PLPP7: variants seen among roughly 807,000 people sequenced by gnomAD.
The protein encoded by PLPP7 is inactive phospholipid phosphatase 7.
A neutral mutation model predicts 16.9 loss-of-function variants in PLPP7; 11 were observed. The observed-to-expected ratio is 0.65, with a 90% CI of 0.41 to 1.08. PLPP7 has a LOEUF of 1.08. PLPP7 is among the 50% of genes least tolerant of loss of function. The pLI, the probability that PLPP7 is intolerant of heterozygous loss-of-function variation, is 0.00. For synonymous variants in PLPP7, 174 were observed against 175.1 expected, an observed-to-expected ratio of 0.99 and a Z score of 0.05; for missense variants, 358 against 397.1, an observed-to-expected ratio of 0.90 and a Z score of 0.84.
Position 131,308,044 on chromosome 9 carries a change from C to T in PLPP7, c.573C>T (p.Ala191=), listed in dbSNP as rs371238589. 51 of 1,601,086 alleles carry T rather than the reference C, an allele frequency of 3.2e-5. No individual in the cohort carries two copies. In the African/African-American group the frequency reaches 3.7e-4, roughly 12 times the overall value. ...CCATGGACATCTACGCCTTCCCGGC[C>T]GGGCACGCCAGCCGCGCCGCCATGG... The part of the protein sequence containing the change: ...YLTMDIYAFP[A]GHASRAAMVS... Residue 191 remains alanine (A), a synonymous_variant, in exon 2 of 2, where the codon GCC becomes GCT. Coordinates refer to ENST00000372264, the MANE Select transcript of PLPP7 (RefSeq NM_032728.4).
chr9:131,306,907 T>C (rs924742017), intron 1 of PLPP7, among the ~76,000 whole-genome samples: 83 of 152,334 alleles, frequency 5.4e-4, no homozygotes, highest in African/African-American at 1.9e-3. Flanking sequence ...CACTCTAAAA[T>C]GGTTCACTGT....
At position 131,298,260 on chromosome 9, in the gene PLPP7, G is replaced by A. The variant is rs546069615; in HGVS notation, c.451+7812G>A. ...AAATGCCCTTCGGGAAGTTCAGACC[G>A]ATTTACACACTCCCTGGGCAGTATA... On this transcript the variant is annotated intron_variant, in intron 1 of 1. Coordinates refer to ENST00000372264, the MANE Select transcript of PLPP7 (RefSeq NM_032728.4). 3.3e-5 allele frequency among the ~76,000 whole-genome samples: 5 copies of A among 152,204 alleles called. No homozygotes were observed. In the East Asian group the frequency reaches 7.7e-4, roughly 23 times the overall value.
intron 1 of PLPP7, among the ~76,000 whole-genome samples, chr9:131,301,701 C>T (rs1193433212): frequency 6.6e-6 from 1 of 152,164 alleles, no homozygotes; most frequent in East Asian, 1.9e-4. Flanking sequence ...GTAATGGCAG[C>T]AGTATGCTGT....
intron 1 of PLPP7, among the ~76,000 whole-genome samples, chr9:131,302,327 G>C (rs747053984): frequency 1.1e-4 from 16 of 152,204 alleles, no homozygotes; most frequent in East Asian, 1.9e-4. Flanking sequence ...GCAGATGAGA[G>C]GGCTCCCTGG....
chr9:131,300,238 C>A (rs1049184594), intron 1 of PLPP7, among the ~76,000 whole-genome samples: 1 of 152,210 alleles, frequency 6.6e-6, no homozygotes, highest in Non-Finnish European at 1.5e-5. Context: ...TCGTCAGGAA[C>A]CACCCCTGGT....
At chr9:131,298,814 C>A (rs891139439) in intron 1 of PLPP7, among the ~76,000 whole-genome samples, 9 of 152,188 alleles carry the variant, frequency 5.9e-5, no homozygotes, top group African/African-American at 2.2e-4. Context: ...GGGACCTGGG[C>A]TAGGGGAGAA....
intron 1 of PLPP7, among the ~76,000 whole-genome samples, chr9:131,302,722 CA>C (rs1304123863): frequency 6.6e-6 from 1 of 152,230 alleles, no homozygotes; most frequent in Non-Finnish European, 1.5e-5. Context: ...CAGGCACTTC[CA>C]GGGTGCAAGG....
chr9:131,292,918 A>G, intron 1 of PLPP7: 1 of 985,436 alleles, frequency 1.0e-6, no homozygotes, highest in Non-Finnish European at 1.2e-6. Flanking sequence ...GCCCCACAGG[A>G]TAAAGATGAA....
chr9:131,299,616 C>T (rs954337760), intron 1 of PLPP7, among the ~76,000 whole-genome samples: 3 of 152,172 alleles, frequency 2.0e-5, no homozygotes. Context: ...AGGCGGGCCA[C>T]TGCCTCTTCC....
At chr9:131,307,488 G>T (rs1010408590) in intron 1 of PLPP7, among the ~76,000 whole-genome samples, 6 of 145,840 alleles carry the variant, frequency 4.1e-5, no homozygotes, top group Non-Finnish European at 7.4e-5. Flanking sequence ...GGAGGCGGAG[G>T]TTCCAGTGAG....
At chr9:131,294,258 C>G (rs967248196) in intron 1 of PLPP7, among the ~76,000 whole-genome samples, 10 of 151,740 alleles carry the variant, frequency 6.6e-5, no homozygotes, top group African/African-American at 2.4e-4. Flanking sequence ...AGTGACTTTG[C>G]CTCTCTGAGC....
chr9:131,290,730 G>A lies in PLPP7; in HGVS notation c.451+282G>A, dbSNP rs992096898. Among the ~76,000 whole-genome samples the A allele has an allele frequency of 3.3e-5, 5 of 152,232 alleles. No homozygotes were observed. In the South Asian group the frequency reaches 1.0e-3, roughly 31 times the overall value. On this transcript the variant is annotated intron_variant, in intron 1 of 1. Coordinates refer to ENST00000372264, the MANE Select transcript of PLPP7 (RefSeq NM_032728.4). The surrounding 1 kb of genome is among the most constrained non-coding windows in gnomAD (Gnocchi z 4.2). ...GCTCAGCAAAAGGCACCGCTGCCCAGAGGCAGCTTGAAGGGAGGCTGGGCC... is the reference window on the plus strand; with the variant it reads ...GCTCAGCAAAAGGCACCGCTGCCCAAAGGCAGCTTGAAGGGAGGCTGGGCC...
Position 131,290,403 on chromosome 9 carries a change from A to T in PLPP7, c.406A>T (p.Ser136Cys), listed in dbSNP as rs1426288957. ...AGGCACCATCCTCTGCCTGGTGAAG[A>T]GCAGCACACTGGCCGGCCAGGAGGT... ...IGGTILCLVK[S>C]STLAGQEVLM... Residue 136 changes from serine to cysteine, a missense_variant, in exon 1 of 2, where the codon AGC (serine) becomes TGC (cysteine). Physicochemically the swap from Ser to Cys is moderately radical, Grantham distance 112. Coordinates refer to ENST00000372264, the MANE Select transcript of PLPP7 (RefSeq NM_032728.4). This position sits in a 1 kb window ranked among gnomAD's most constrained non-coding sequence, Gnocchi z 4.2. 3.2e-6 allele frequency: 5 copies of T among 1,582,034 alleles called. No individual in the cohort carries two copies. In the Admixed American group the frequency reaches 8.6e-5, roughly 27 times the overall value.
chr9:131,301,903 G>C (rs1352425881), intron 1 of PLPP7, among the ~76,000 whole-genome samples: 1 of 145,430 alleles, frequency 6.9e-6, no homozygotes, highest in Admixed American at 7.2e-5. Context: ...TGCAACCTCC[G>C]CCTCCCGGGT....
chr9:131,293,623 C>T (rs988633495), intron 1 of PLPP7, among the ~76,000 whole-genome samples: 1 of 152,214 alleles, frequency 6.6e-6, no homozygotes, highest in African/African-American at 2.4e-5. Flanking sequence ...CTTTGGAGGG[C>T]ACCCTTCAAC....
In PLPP7 at chr9:131,300,954, A is replaced by C. The variant is rs534066022; in HGVS notation, c.452-6969A>C. On this transcript the variant is annotated intron_variant, in intron 1 of 1. Coordinates refer to ENST00000372264, the MANE Select transcript of PLPP7 (RefSeq NM_032728.4). Reference sequence around the variant, plus strand: ...GCCCTGTGCTGGAAAGGCAGATTTTATTTATTTATGTATTTATTTATTTAT... The same window carrying C: ...GCCCTGTGCTGGAAAGGCAGATTTTCTTTATTTATGTATTTATTTATTTAT... 4.0e-5 allele frequency among the ~76,000 whole-genome samples: 6 copies of C among 151,672 alleles called. 1 individual carries two copies. The South Asian group carries it at 1.2e-3, about 32-fold the overall frequency.
chr9:131,302,518 G>A (rs1040724377), intron 1 of PLPP7, among the ~76,000 whole-genome samples: 9 of 152,272 alleles, frequency 5.9e-5, no homozygotes, highest in Admixed American at 2.6e-4. Flanking sequence ...CACGAAACCC[G>A]GGCATGGTCA....
At chr9:131,298,069 C>T (rs1484829317) in intron 1 of PLPP7, among the ~76,000 whole-genome samples, 6 of 152,056 alleles carry the variant, frequency 3.9e-5, no homozygotes, top group Non-Finnish European at 8.8e-5. Context: ...TCTTGAAGGG[C>T]GCTGGGTCGT....
chr9:131,291,374 G>T, intron 1 of PLPP7: 1 of 1,179,398 alleles, frequency 8.5e-7, no homozygotes, highest in Non-Finnish European at 1.1e-6. Context: ...TTCCAAAAGG[G>T]CATTGGGTTG....
Sources: gnomAD v4.1 joint callset for allele counts (sites outside exome capture counted in the v4.1 genomes callset) on GRCh38, gnomAD v4.1.1 for gene constraint, Gnocchi (gnomAD v3.1) non-coding constraint, MANE v1.5 for transcripts, NCBI Gene and HGNC (gene_info 2026-07-23, HGNC 2026-07-21) for gene names.